LZTS3: variants seen among roughly 807,000 people sequenced by gnomAD.
The protein encoded by LZTS3 is leucine zipper tumor suppressor family member 3, also known as leucine zipper putative tumor suppressor 3.
In LZTS3, 16 loss-of-function variants were observed where a neutral mutation model predicts 50.9. That is an observed-to-expected ratio of 0.31 (90% CI 0.21 to 0.48). The LOEUF (loss-of-function observed/expected upper bound fraction) is 0.48, where lower values mean the gene tolerates loss of function less well. Among genes scored for constraint, LZTS3 ranks in the 20% least tolerant of loss-of-function variants. LZTS3 has a pLI of 0.99. For missense variants in LZTS3, 816 were observed against 931.0 expected (o/e 0.88, Z 1.61); for synonymous variants, 408 against 410.6 (o/e 0.99, Z 0.08).
In LZTS3 at chr20:3,165,407, C is replaced by CAACCA; in HGVS notation, c.1323+89_1323+90insTGGTT. The CAACCA allele has an allele frequency of 8.4e-7, 1 of 1,192,096 alleles. No individual in the cohort carries two copies. The highest frequency in any genetic ancestry group is 1.1e-6 in the Non-Finnish European group (1 of 888,904). The allele number at this position is 1,192,096 out of a possible 1,614,324, so 73.8% of individuals were successfully genotyped here. On this transcript the variant is annotated intron_variant, in intron 4 of 4. Transcript: ENST00000337576. This position sits in a 1 kb window ranked among gnomAD's most constrained non-coding sequence, Gnocchi z 5.0. Reference sequence around the variant, plus strand: ...GCTCCTTTCATCCCCCCCCCCATCCCACCGTTATGATAGTGAGGGGCAACT... The same window carrying CAACCA: ...GCTCCTTTCATCCCCCCCCCCATCCCAACCAACCGTTATGATAGTGAGGGGCAACT...
chr20:3,172,325 G>A (rs1392256207), intron 1 of LZTS3, among the ~76,000 whole-genome samples: 1 of 152,204 alleles, frequency 6.6e-6, no homozygotes, highest in Non-Finnish European at 1.5e-5. Context: ...CACCTACATT[G>A]CAGGCATTTT....
rs755169750 is a variant in LZTS3 at position 3,165,729 on chromosome 20, A to G, written c.1091T>C (p.Leu364Pro). Reference protein sequence around the residue: ...EERQKAWERELAELRQGCSGK... With the variant: ...EERQKAWEREPAELRQGCSGK... ...GCTGCAGCCCTGCCGCAGCTCGGCC[A>G]GCTCCCGCTCCCACGCCTTCTGCCG... is the stretch of plus-strand genomic sequence containing the variant. Residue 364 changes from leucine (L) to proline (P), a missense_variant, in exon 4 of 5, where the codon CTG becomes CCG. Coordinates refer to ENST00000337576, the MANE Select transcript of LZTS3 (RefSeq NM_001365618.1). The surrounding 1 kb of genome is among the most constrained non-coding windows in gnomAD (Gnocchi z 5.0). The G allele has an allele frequency of 2.5e-6, 4 of 1,575,246 alleles. No homozygotes were observed. The highest frequency in any genetic ancestry group is 2.6e-6 in the Non-Finnish European group (3 of 1,168,428).
At position 3,166,221 on chromosome 20, in the gene LZTS3, A is replaced by G. The variant is rs939304729; in HGVS notation, c.599T>C (p.Leu200Pro). 5 of 1,613,858 alleles carry G rather than the reference A, an allele frequency of 3.1e-6. No homozygotes were observed. The highest frequency in any genetic ancestry group is 4.2e-6 in the Non-Finnish European group (5 of 1,179,908). ...TGGAGTCATGGTCCGAGACTTGTCC[A>G]GTCCGCCTTTGAGGCCACCAGGGCC... The part of the protein sequence containing the change: ...RQGPGGLKGG[L>P]DKSRTMTPAG... The change falls in exon 4 of 5, where the codon CTG becomes CCG. Residue 200 changes from leucine (L) to proline (P), a missense_variant. Physicochemically the swap from Leu to Pro is moderately conservative, Grantham distance 98 (BLOSUM62 -3). Transcript: ENST00000337576.
chr20:3,167,243 G>T, intron 2 of LZTS3, 62 bp from the exon 3 acceptor site: 1 of 1,422,268 alleles, frequency 7.0e-7, no homozygotes, highest in Non-Finnish European at 9.2e-7. Flanking sequence ...CACCACCCCA[G>T]CCAAGTCAAC....
chr20:3,164,306 G>T lies in LZTS3; in HGVS notation c.*148C>A. On this transcript the variant is annotated 3_prime_UTR_variant, in exon 5 of 5. Coordinates refer to ENST00000337576, the MANE Select transcript of LZTS3 (RefSeq NM_001365618.1). ...GTGCTGGAGCTAGGAGGGCAGGTGG[G>T]GAGGGAGGAACCTGGTCACAGCTGC... 1.2e-6 allele frequency: 1 copy of T among 814,320 alleles called. No individual in the cohort carries two copies. The highest frequency in any genetic ancestry group is 1.8e-6 in the Non-Finnish European group (1 of 566,182). 50.4% of individuals were successfully genotyped at this position (814,320 alleles called of 1,614,324 possible).
chr20:3,165,389 T>TGGG lies in LZTS3; in HGVS notation c.1323+107_1323+108insCCC. 2 of 1,229,590 alleles carry TGGG rather than the reference T, an allele frequency of 1.6e-6. No individual in the cohort carries two copies. The highest frequency in any genetic ancestry group is 2.2e-6 in the Non-Finnish European group (2 of 926,158). The allele number at this position is 1,229,590 out of a possible 1,614,324, so 76.2% of individuals were successfully genotyped here. On this transcript the variant is annotated intron_variant, in intron 4 of 4. Transcript: ENST00000337576. The surrounding 1 kb of genome is among the most constrained non-coding windows in gnomAD (Gnocchi z 5.0). ...TTGATTTTTGTCCCCCCTGCTCCTT[T>TGGG]CATCCCCCCCCCCATCCCACCGTTA...
At chr20:3,170,499 A>C (rs866296236) in intron 1 of LZTS3, among the ~76,000 whole-genome samples, 6 of 127,038 alleles carry the variant, frequency 4.7e-5, no homozygotes, top group Admixed American at 8.0e-5. Flanking sequence ...AAAAAAAAAA[A>C]AAAAAAACAG....
chr20:3,165,890 C>T lies in LZTS3; in HGVS notation c.930G>A (p.Ala310=), dbSNP rs142377181. Residue 310 remains alanine (A), a synonymous_variant, in exon 4 of 5, where the codon GCG becomes GCA. Coordinates refer to ENST00000337576, the MANE Select transcript of LZTS3 (RefSeq NM_001365618.1). This position sits in a 1 kb window ranked among gnomAD's most constrained non-coding sequence, Gnocchi z 5.0. ...GEGGGGGLPF[A]ACSPPSPSAL... is the part of the protein sequence containing the mutation. ...CACTGGGGGAGGGCGGTGAGCAGGC[C>T]GCGAAAGGCAGGCCTCCACCTCCGC... is the stretch of plus-strand genomic sequence containing the variant. The T allele has an allele frequency of 2.2e-4, 348 of 1,607,728 alleles. No individual in the cohort carries two copies. The highest frequency in any genetic ancestry group is 2.5e-4 in the Non-Finnish European group (292 of 1,179,562).
At position 3,166,277 on chromosome 20, in the gene LZTS3, C is replaced by CG. The variant is rs745647523; in HGVS notation, c.542dup (p.Gln182AlafsTer7). On this transcript the variant is annotated frameshift_variant, in exon 4 of 5. Transcript: ENST00000337576. LOFTEE classifies it high-confidence loss of function. ...GTCCCTCAGGAGTCCCATTGGTCTG[C>CG]GGGGGGCACAAATTCTGCATGGAGT... The CG allele has an allele frequency of 1.2e-6, 2 of 1,613,700 alleles. No individual in the cohort carries two copies. The highest frequency in any genetic ancestry group is 8.5e-7 in the Non-Finnish European group (1 of 1,179,912).
chr20:3,167,922 G>C lies in LZTS3; in HGVS notation c.-203C>G. 1 of 939,724 alleles carries C rather than the reference G, an allele frequency of 1.1e-6. No homozygotes were observed. The highest frequency in any genetic ancestry group is 4.9e-5 in the South Asian group (1 of 20,404). The allele number at this position is 939,724 out of a possible 1,614,324, so 58.2% of individuals were successfully genotyped here. On this transcript the variant is annotated 5_prime_UTR_variant, in exon 2 of 5. Transcript: ENST00000337576. Reference sequence around the variant, plus strand: ...GGCCCGAACCAGCTGCGCGACTTTGGAGGGGCCGACTGAGCCATCCCGGAC... The same window carrying C: ...GGCCCGAACCAGCTGCGCGACTTTGCAGGGGCCGACTGAGCCATCCCGGAC...
Position 3,170,491 on chromosome 20 carries a change from A to AAAAAAAAAC in LZTS3, c.-242-2531_-242-2530insGTTTTTTTT, listed in dbSNP as rs1555768556. 7.2e-4 allele frequency among the ~76,000 whole-genome samples: 101 copies of AAAAAAAAAC among 140,234 alleles called. 5 individuals are homozygous for AAAAAAAAAC. The highest frequency in any genetic ancestry group is 3.2e-3 in the South Asian group (13 of 4,108). The allele number at this position is 140,234 out of a possible 152,430, so 92.0% of individuals were successfully genotyped here. ...AAGACAGAGCGAGACTACATCAAAA[A>AAAAAAAAAC]AAAAAAAAAAAAAAACAGGTTGGCG... On this transcript the variant is annotated intron_variant, in intron 1 of 4. Coordinates refer to ENST00000337576, the MANE Select transcript of LZTS3 (RefSeq NM_001365618.1).
chr20:3,165,520 G>C lies in LZTS3; in HGVS notation c.1300C>G (p.Arg434Gly). The C allele has an allele frequency of 1.3e-6, 2 of 1,555,316 alleles. No individual in the cohort carries two copies. Among genetic ancestry groups the C allele is most frequent in the Non-Finnish European group, 1.7e-6 (2 of 1,156,272 alleles). Residue 434 changes from arginine (R) to glycine (G), a missense_variant, in exon 4 of 5, where the codon CGG becomes GGG. Arg to Gly is a moderately radical substitution (Grantham distance 125, BLOSUM62 -2). Around this residue, in one of 3 missense-constraint regions of LZTS3, gnomAD observed 700 missense variants for 769.4 expected, o/e 0.91. Coordinates refer to ENST00000337576, the MANE Select transcript of LZTS3 (RefSeq NM_001365618.1). The surrounding 1 kb of genome is among the most constrained non-coding windows in gnomAD (Gnocchi z 5.0). ...ACCTCCCACTTAGTTTCCTCTATCC[G>C]GGGCAGGAAGTCGGCCTGCTCCTTC... ...CQKEQADFLP[R>G]IEETKWEVCQ...
Position 3,170,081 on chromosome 20 carries a change from A to G in LZTS3, c.-242-2120T>C, listed in dbSNP as rs2066883355. 2.6e-5 allele frequency among the ~76,000 whole-genome samples: 4 copies of G among 152,262 alleles called. No individual in the cohort carries two copies. The South Asian group carries it at 8.3e-4, about 32-fold the overall frequency. On this transcript the variant is annotated intron_variant, in intron 1 of 4. Transcript: ENST00000337576. ...TGGGGGGATTCAAGAATGTGGGGAC[A>G]GTTTCCAGTGTTAAAAATAACAGGG...
At chr20:3,167,219 C>T in intron 2 of LZTS3, 38 bp from the exon 3 acceptor site, 1 of 1,431,206 alleles carries the variant, frequency 7.0e-7, no homozygotes. Context: ...TAGGTAAGAC[C>T]CTACTCCTAT....
chr20:3,162,884 C>T lies in LZTS3; in HGVS notation c.*1570G>A, dbSNP rs2066754290. The T allele has an allele frequency of 1.3e-5, 2 of 152,586 alleles. No homozygotes were observed. Among genetic ancestry groups the T allele is most frequent in the South Asian group, 4.1e-4 (2 of 4,826 alleles). The allele number at this position is 152,586 out of a possible 1,614,324, so 9.5% of individuals were successfully genotyped here. A position where few individuals can be genotyped will look rare whatever the true frequency, so the allele number is the denominator to read the frequency against. Reference sequence around the variant, plus strand: ...AATGGGCAGTGGTCGCCAGGATGGCCTCCCACCCAGCTCAGAGACCTGGTG... The same window carrying T: ...AATGGGCAGTGGTCGCCAGGATGGCTTCCCACCCAGCTCAGAGACCTGGTG... On this transcript the variant is annotated 3_prime_UTR_variant, in exon 5 of 5. Coordinates refer to ENST00000337576, the MANE Select transcript of LZTS3 (RefSeq NM_001365618.1). This position sits in a 1 kb window ranked among gnomAD's most constrained non-coding sequence, Gnocchi z 5.0.
Position 3,167,066 on chromosome 20 carries a change from G to T in LZTS3, c.98C>A (p.Pro33His). The T allele has an allele frequency of 6.4e-7, 1 of 1,553,556 alleles. No homozygotes were observed. The change falls in exon 3 of 5, where the codon CCC becomes CAC. Residue 33 changes from proline (P) to histidine (H), a missense_variant. Around this residue, in one of 3 missense-constraint regions of LZTS3, gnomAD observed 700 missense variants for 769.4 expected, o/e 0.91. Coordinates refer to ENST00000337576, the MANE Select transcript of LZTS3 (RefSeq NM_001365618.1). ...GCCCACGCTGCCCATGGCCAGGCGGGGGTCCGGGGGTCCAAGCTCGGAGGG... is the reference window on the plus strand; with the variant it reads ...GCCCACGCTGCCCATGGCCAGGCGGTGGTCCGGGGGTCCAAGCTCGGAGGG... Reference protein sequence around the residue: ...PRPSELGPPDPRLAMGSVGSG... With the variant: ...PRPSELGPPDHRLAMGSVGSG...
Position 3,165,754 on chromosome 20 carries a change from G to C in LZTS3, c.1066C>G (p.Arg356Gly), listed in dbSNP as rs145170533. ...AGCTCCCGCTCCCACGCCTTCTGCC[G>C]CTCCTCCAGTACCTGGGCCACAGCC... is the stretch of plus-strand genomic sequence containing the variant. ...EAAVAQVLEE[R>G]QKAWERELAE... Residue 356 changes from arginine to glycine, a missense_variant, in exon 4 of 5, where the codon CGG becomes GGG. Arg to Gly is a moderately radical substitution (Grantham distance 125). Transcript: ENST00000337576. The surrounding 1 kb of genome is among the most constrained non-coding windows in gnomAD (Gnocchi z 5.0). The C allele has an allele frequency of 3.8e-6, 6 of 1,576,760 alleles. No homozygotes were observed. Among genetic ancestry groups the C allele is most frequent in the Non-Finnish European group, 5.1e-6 (6 of 1,168,754 alleles).
rs754168244 is a variant in LZTS3, at chr20:3,164,552, C to T, written c.1924G>A (p.Ala642Thr). 7 of 1,607,920 alleles carry T rather than the reference C, an allele frequency of 4.4e-6. No individual in the cohort carries two copies. In the South Asian group the frequency reaches 7.8e-5, roughly 18 times the overall value. Residue 642 changes from alanine (A) to threonine (T), a missense_variant, in exon 5 of 5, where the codon GCC becomes ACC. Around this residue, in one of 3 missense-constraint regions of LZTS3, gnomAD observed 107 missense variants for 130.4 expected, o/e 0.82. Transcript: ENST00000337576. Reference sequence around the variant, plus strand: ...GTGGGCGTGCTTGCACCCCCTGCGGCCCCGCGCTCCCGCAGCCTGCGCTCC... The same window carrying T: ...GTGGGCGTGCTTGCACCCCCTGCGGTCCCGCGCTCCCGCAGCCTGCGCTCC... ...QLERRLRERG[A>T]AGGASTPTPQ...
intron 1 of LZTS3, among the ~76,000 whole-genome samples, chr20:3,170,890 A>G (rs1169074291): frequency 6.6e-6 from 1 of 152,266 alleles, no homozygotes; most frequent in African/African-American, 2.4e-5. Context: ...AGTTCCTGCT[A>G]AAAGAGAAGA....
Sources: gnomAD v4.1 joint callset for allele counts (sites outside exome capture counted in the v4.1 genomes callset) on GRCh38, gnomAD v4.1.1 for gene constraint, gnomAD v4.1.1 regional missense constraint, Gnocchi (gnomAD v3.1) non-coding constraint, MANE v1.5 for transcripts, NCBI Gene and HGNC (gene_info 2026-07-23, HGNC 2026-07-21) for gene names.